Variants in CYP27C1 observed in about 807,000 individuals in gnomAD.
The protein encoded by CYP27C1 is cytochrome P450 27C1.
CYP27C1 carries 29 observed loss-of-function variants against 40.6 expected under a neutral mutation model. The observed-to-expected ratio is 0.71, with a 90% confidence interval of 0.53 to 0.97. The LOEUF (loss-of-function observed/expected upper bound fraction) is 0.97, where lower values mean the gene tolerates loss of function less well. CYP27C1 is among the 50% of genes least tolerant of loss of function. CYP27C1 has a pLI of 0.00. For missense variants in CYP27C1, 390 were observed against 485.8 expected (o/e 0.80, Z 1.85); for synonymous variants, 198 against 186.8 (o/e 1.06, Z -0.49).
chr2:127,209,442 C>CT lies in CYP27C1; in HGVS notation c.283-3353dup, dbSNP rs1683295524. Among the ~76,000 whole-genome samples the CT allele has an allele frequency of 6.6e-6, 1 of 152,166 alleles. No individual in the cohort carries two copies. On this transcript the variant is annotated intron_variant, in intron 1 of 8. Coordinates refer to ENST00000664447, the MANE Select transcript of CYP27C1 (RefSeq NM_001367502.1). The surrounding 1 kb of genome is among the most constrained non-coding windows in gnomAD (Gnocchi z 4.1). Reference sequence around the variant, plus strand: ...AAAAAAATGCTGAAAACCAAAAGGCCTGAGTGCCTCTTCTCCTCCAAATAA... The same window carrying CT: ...AAAAAAATGCTGAAAACCAAAAGGCCTTGAGTGCCTCTTCTCCTCCAAATAA...
rs926362525 is a variant in CYP27C1, at chr2:127,200,786, C to A, written c.883+336G>T. Among the ~76,000 whole-genome samples, 8 of 151,992 alleles carry A rather than the reference C, an allele frequency of 5.3e-5. No homozygotes were observed. The highest frequency in any genetic ancestry group is 1.0e-4 in the Non-Finnish European group (7 of 68,006). On this transcript the variant is annotated intron_variant, in intron 4 of 8. Coordinates refer to ENST00000664447, the MANE Select transcript of CYP27C1 (RefSeq NM_001367502.1). The surrounding 1 kb of genome is among the most constrained non-coding windows in gnomAD (Gnocchi z 4.2). ...GACCAGCCTGGCCAACATGGTGAAA[C>A]CCCATCTCTACTAAAAATACAAAAT...
intron 1 of CYP27C1, among the ~76,000 whole-genome samples, chr2:127,206,717 C>T (rs1439992708): frequency 2.0e-5 from 3 of 152,172 alleles, no homozygotes; most frequent in African/African-American, 7.2e-5. Flanking sequence ...GTCTGCCAGC[C>T]CCTTTCCATG....
At chr2:127,198,245 T>C (rs1205998276) in intron 5 of CYP27C1, among the ~76,000 whole-genome samples, 1 of 152,072 alleles carries the variant, frequency 6.6e-6, no homozygotes, top group Non-Finnish European at 1.5e-5. Flanking sequence ...TTTAGTTTAC[T>C]TTCTTTACAC....
Position 127,191,267 on chromosome 2 carries a change from G to A in CYP27C1, c.1497+1827C>T, listed in dbSNP as rs538795693. Among the ~76,000 whole-genome samples, 7 of 152,196 alleles carry A rather than the reference G, an allele frequency of 4.6e-5. No homozygotes were observed. The East Asian group carries it at 7.7e-4, about 17-fold the overall frequency. On this transcript the variant is annotated intron_variant, in intron 8 of 8. Coordinates refer to ENST00000664447, the MANE Select transcript of CYP27C1 (RefSeq NM_001367502.1). ...AAAATAATAAAATAAAATAAAAACC[G>A]TGATGCTCCCTTTCTACACTTGCCC... is the stretch of plus-strand genomic sequence containing the variant.
chr2:127,201,250 G>A lies in CYP27C1; in HGVS notation c.755C>T (p.Ala252Val), dbSNP rs778033502. 1.2e-6 allele frequency: 2 copies of A among 1,614,160 alleles called. No individual in the cohort carries two copies. The highest frequency in any genetic ancestry group is 1.7e-6 in the Non-Finnish European group (2 of 1,180,046). The change falls in exon 4 of 9, where the codon GCC becomes GTC. Residue 252 changes from alanine to valine, a missense_variant. Coordinates refer to ENST00000664447, the MANE Select transcript of CYP27C1 (RefSeq NM_001367502.1). This position sits in a 1 kb window ranked among gnomAD's most constrained non-coding sequence, Gnocchi z 6.0. ...GAACATGCTAAACATGAGCTCCAGG[G>A]CCTCGATGTATTCCACAGTCAGCTG... is the stretch of plus-strand genomic sequence containing the variant. The part of the protein sequence containing the change: ...IPQLTVEYIE[A>V]LELMFSMFKT...
At chr2:127,206,720 T>C (rs137888213) in intron 1 of CYP27C1, among the ~76,000 whole-genome samples, 36 of 152,290 alleles carry the variant, frequency 2.4e-4, no homozygotes, top group African/African-American at 8.2e-4. Context: ...TGCCAGCCCC[T>C]TTCCATGGGC....
chr2:127,196,680 C>A lies in CYP27C1; in HGVS notation c.1048-1179G>T, dbSNP rs1682912626. Among the ~76,000 whole-genome samples, 1 of 152,040 alleles carries A rather than the reference C, an allele frequency of 6.6e-6. No individual in the cohort carries two copies. Among genetic ancestry groups the A allele is most frequent in the African/African-American group, 2.4e-5 (1 of 41,400 alleles). On this transcript the variant is annotated intron_variant, in intron 5 of 8. Coordinates refer to ENST00000664447, the MANE Select transcript of CYP27C1 (RefSeq NM_001367502.1). This position sits in a 1 kb window ranked among gnomAD's most constrained non-coding sequence, Gnocchi z 4.5. ...AAAAGATTACTTAGATGCTTCCTAT[C>A]AAGAGAATAGAAAATTTCTATTTAG...
At chr2:127,204,563 A>G (rs796906221) in intron 2 of CYP27C1, among the ~76,000 whole-genome samples, 1,520 of 46,784 alleles carry the variant, frequency 0.032, 12 homozygotes, top group Admixed American at 0.049. Flanking sequence ...GAGAGAAAGA[A>G]AGAAAGAAAG....
chr2:127,193,697 T>C (rs1682835386), intron 7 of CYP27C1, 92 bp downstream of exon 7: 1 of 1,384,214 alleles, frequency 7.2e-7, no homozygotes, highest in Non-Finnish European at 1.0e-6. Context: ...TATTGATCTC[T>C]GCTTAGGGAC....
Position 127,201,956 on chromosome 2 carries a change from G to A in CYP27C1, c.674-625C>T, listed in dbSNP as rs1287216759. 1.3e-5 allele frequency among the ~76,000 whole-genome samples: 2 copies of A among 152,128 alleles called. No individual in the cohort carries two copies. Among genetic ancestry groups the A allele is most frequent in the Non-Finnish European group, 2.9e-5 (2 of 68,016 alleles). On this transcript the variant is annotated intron_variant, in intron 3 of 8. Coordinates refer to ENST00000664447, the MANE Select transcript of CYP27C1 (RefSeq NM_001367502.1). The surrounding 1 kb of genome is among the most constrained non-coding windows in gnomAD (Gnocchi z 6.0). ...TGTATTTACCAATCACTTCTGGGAT[G>A]ATTTTGTTACTAATTTTAGAGAAAA...
chr2:127,187,407 G>T lies in CYP27C1; in HGVS notation c.1498-20C>A. ...AAGCAACTAAGAAGAGAAAGAGAGA[G>T]AAGGGGTCAGAATTGGAACAGCAGA... On this transcript the variant is annotated intron_variant, in intron 8 of 8. Transcript: ENST00000664447. 6.2e-7 allele frequency: 1 copy of T among 1,600,856 alleles called. No homozygotes were observed. Among genetic ancestry groups the T allele is most frequent in the African/African-American group, 1.3e-5 (1 of 74,772 alleles).
rs1399317506 is a variant in CYP27C1, at chr2:127,208,550, CT to C, written c.283-2461del. ...CCTGCTGTCTAAGTAATTTGAGCTC[CT>C]TGGGGGAGGGGCAGCAGCCAGCACT... On this transcript the variant is annotated intron_variant, in intron 1 of 8. Coordinates refer to ENST00000664447, the MANE Select transcript of CYP27C1 (RefSeq NM_001367502.1). This position sits in a 1 kb window ranked among gnomAD's most constrained non-coding sequence, Gnocchi z 5.2. Among the ~76,000 whole-genome samples, 1 of 152,216 alleles carries C rather than the reference CT, an allele frequency of 6.6e-6. No individual in the cohort carries two copies. The highest frequency in any genetic ancestry group is 1.9e-4 in the East Asian group (1 of 5,194).
chr2:127,193,161 C>T lies in CYP27C1; in HGVS notation c.1430G>A (p.Gly477Asp). Reference protein sequence around the residue: ...RVDNFGSIPFGHGVRSCIGRR... With the variant: ...RVDNFGSIPFDHGVRSCIGRR... The stretch of plus-strand genomic sequence containing the variant: ...CCCTATGCAGCTGCGAACCCCATGA[C>T]CAAAGGGGATGGATCCAAAATTGTC... The change falls in exon 8 of 9, where the codon GGT becomes GAT. Residue 477 changes from glycine to aspartate, a missense_variant. Physicochemically the swap from Gly to Asp is moderately conservative, Grantham distance 94. Transcript: ENST00000664447. The T allele has an allele frequency of 6.2e-7, 1 of 1,614,198 alleles. No homozygotes were observed. Among genetic ancestry groups the T allele is most frequent in the Non-Finnish European group, 8.5e-7 (1 of 1,180,028 alleles).
chr2:127,214,611 T>G (rs1235803175), intron 1 of CYP27C1, among the ~76,000 whole-genome samples: 1 of 150,872 alleles, frequency 6.6e-6, no homozygotes, highest in Non-Finnish European at 1.5e-5. Context: ...TAAGTGGGAG[T>G]TGAATATTGA....
rs73953287 is a variant in CYP27C1, at chr2:127,195,249, G to T, written c.1214+86C>A. ...CATCCTCATCCTGAACAGGTCAGCC[G>T]GGGGGGCATTTGGAGGACTTGTTGT... On this transcript the variant is annotated intron_variant, in intron 6 of 8. Coordinates refer to ENST00000664447, the MANE Select transcript of CYP27C1 (RefSeq NM_001367502.1). The surrounding 1 kb of genome is among the most constrained non-coding windows in gnomAD (Gnocchi z 6.2). 2.0e-6 allele frequency: 3 copies of T among 1,533,806 alleles called. No individual in the cohort carries two copies. The highest frequency in any genetic ancestry group is 1.7e-5 in the Admixed American group (1 of 57,918).
At chr2:127,210,119 A>T (rs1379881522) in intron 1 of CYP27C1, among the ~76,000 whole-genome samples, 1 of 152,232 alleles carries the variant, frequency 6.6e-6, no homozygotes, top group East Asian at 1.9e-4. Flanking sequence ...CCACAGAGGA[A>T]GGCCAGGTCA....
At position 127,203,440 on chromosome 2, in the gene CYP27C1, C is replaced by G; in HGVS notation, c.605G>C (p.Arg202Thr). 1 of 1,613,910 alleles carries G rather than the reference C, an allele frequency of 6.2e-7. No homozygotes were observed. The highest frequency in any genetic ancestry group is 8.5e-7 in the Non-Finnish European group (1 of 1,179,992). ...GGTTTCTCCATCTTCTGCCTGGCTC[C>G]TGAGGAGGTAGATTCTTTTAATTAA... ...ADLIKRIYLL[R>T]SQAEDGETVT... Residue 202 changes from arginine (R) to threonine (T), a missense_variant, in exon 3 of 9, where the codon AGG becomes ACG. Arg to Thr is a moderately conservative substitution (Grantham distance 71). Transcript: ENST00000664447.
intron 6 of CYP27C1, 49 bp from the exon 7 acceptor site, chr2:127,193,916 A>G (rs982738096): frequency 7.5e-6 from 12 of 1,598,692 alleles, no homozygotes; most frequent in Non-Finnish European, 1.0e-5. Flanking sequence ...CTTTCACAGT[A>G]TTTTATTGAA....
Position 127,201,909 on chromosome 2 carries a change from C to T in CYP27C1, c.674-578G>A, listed in dbSNP as rs1486311232. Among the ~76,000 whole-genome samples, 3 of 152,132 alleles carry T rather than the reference C, an allele frequency of 2.0e-5. No individual in the cohort carries two copies. Among genetic ancestry groups the T allele is most frequent in the African/African-American group, 7.2e-5 (3 of 41,404 alleles). On this transcript the variant is annotated intron_variant, in intron 3 of 8. Transcript: ENST00000664447. The surrounding 1 kb of genome is among the most constrained non-coding windows in gnomAD (Gnocchi z 6.0). Reference sequence around the variant, plus strand: ...GCAGCAGAAGTGGCCTGGATGAATCCGTGTCGGGCAGAGCTGTGAACTGTA... The same window carrying T: ...GCAGCAGAAGTGGCCTGGATGAATCTGTGTCGGGCAGAGCTGTGAACTGTA...
Sources: gnomAD v4.1 joint callset for allele counts (sites outside exome capture counted in the v4.1 genomes callset) on GRCh38, gnomAD v4.1.1 for gene constraint, Gnocchi (gnomAD v3.1) non-coding constraint, MANE v1.5 for transcripts, NCBI Gene and HGNC (gene_info 2026-07-23, HGNC 2026-07-21) for gene names.